The following TNR variants were observed in gnomAD, a reference collection of about 807,000 sequenced individuals.
TNR encodes the protein tenascin-R.
Under a neutral mutation model 150.4 loss-of-function variants are expected in TNR, and 45 were observed. The observed-to-expected ratio is 0.30, with a 90% CI of 0.24 to 0.38. TNR has a LOEUF of 0.38. TNR is among the 10% of genes least tolerant of loss of function. The probability of loss-of-function intolerance (pLI) is 1.00; values close to 1 mark genes in which losing one functional copy is unlikely to be tolerated. For synonymous variants in TNR, 687 were observed against 678.4 expected, an observed-to-expected ratio of 1.01 and a Z score of -0.20; for missense variants, 1,544 against 1,759.1, an observed-to-expected ratio of 0.88 and a Z score of 2.19.
chr1:175,619,053 C>T (rs1394281019), intron 1 of TNR, among the ~76,000 whole-genome samples: 1 of 152,150 alleles, frequency 6.6e-6, no homozygotes, highest in East Asian at 1.9e-4. Context: ...GAGCAAATGG[C>T]CTCCATGAAA....
intron 1 of TNR, among the ~76,000 whole-genome samples, chr1:175,727,419 G>C (rs1283153513): frequency 6.6e-6 from 1 of 152,196 alleles, no homozygotes; most frequent in African/African-American, 2.4e-5. Context: ...TTGGAGTAGT[G>C]AGGATGGAAG....
rs992841853 is a variant in TNR at position 175,603,811 on chromosome 1, T to C, written c.-164-75442A>G. Among the ~76,000 whole-genome samples, 12 of 152,214 alleles carry C rather than the reference T, an allele frequency of 7.9e-5. 1 individual carries two copies. Among genetic ancestry groups the C allele is most frequent in the Non-Finnish European group, 1.2e-4 (8 of 68,044 alleles). ...CCTTCCTCTGGCCTCTCACTGCCTCTTGTGTGCTGCACTCACCACGTCACC... is the reference window on the plus strand; with the variant it reads ...CCTTCCTCTGGCCTCTCACTGCCTCCTGTGTGCTGCACTCACCACGTCACC... On this transcript the variant is annotated intron_variant, in intron 1 of 22. Transcript: ENST00000367674.
rs1425385854 is a variant in TNR at position 175,570,620 on chromosome 1, CCTT to C, written c.-164-42254_-164-42252del. 3.9e-5 allele frequency among the ~76,000 whole-genome samples: 6 copies of C among 151,986 alleles called. No homozygotes were observed. The East Asian group carries it at 1.2e-3, about 29-fold the overall frequency. On this transcript the variant is annotated intron_variant, in intron 1 of 22. Transcript: ENST00000367674. The stretch of plus-strand genomic sequence containing the variant: ...ATTGAATTTATCTTTTTCTCTCTTC[CCTT>C]CTTCTTTCCTTTTTTCCTTCCATTT...
chr1:175,686,663 C>T (rs1666210893), intron 1 of TNR, among the ~76,000 whole-genome samples: 1 of 152,022 alleles, frequency 6.6e-6, no homozygotes, highest in South Asian at 2.1e-4. Flanking sequence ...TTTTGGAGTC[C>T]CCAGTGTTTA....
chr1:175,550,128 T>C (rs1349162367), intron 1 of TNR, among the ~76,000 whole-genome samples: 1 of 152,136 alleles, frequency 6.6e-6, no homozygotes, highest in Non-Finnish European at 1.5e-5. Context: ...GTCACTAATT[T>C]AGAAGAACAG....
chr1:175,391,388 A>G lies in TNR; in HGVS notation c.1407T>C (p.Phe469=). The change falls in exon 7 of 23, where the codon TTT becomes TTC. Residue 469 remains phenylalanine (F), a synonymous_variant. Transcript: ENST00000367674. ...CCCCAGGCTTTAGTCCTGTCTGGTT[A>G]AAGGACGTAACATCGCTGGGGACCT... ...IAQVPSDVTS[F]NQTGLKPGEE... is the part of the protein sequence containing the mutation. 6.2e-7 allele frequency: 1 copy of G among 1,614,214 alleles called. No individual in the cohort carries two copies. Among genetic ancestry groups the G allele is most frequent in the Non-Finnish European group, 8.5e-7 (1 of 1,180,040 alleles).
intron 4 of TNR, among the ~76,000 whole-genome samples, chr1:175,398,918 G>A (rs1653567234): frequency 6.6e-6 from 1 of 152,154 alleles, no homozygotes; most frequent in Admixed American, 6.5e-5. Flanking sequence ...TTACCAATGA[G>A]GAAACTGAAT....
chr1:175,519,793 A>G (rs1463686292), intron 2 of TNR, among the ~76,000 whole-genome samples: 2 of 152,172 alleles, frequency 1.3e-5, no homozygotes, highest in African/African-American at 4.8e-5. Flanking sequence ...TGCTTTCATC[A>G]TTGCACAAGT....
At chr1:175,697,894 C>T (rs1312053690) in intron 1 of TNR, among the ~76,000 whole-genome samples, 1 of 152,210 alleles carries the variant, frequency 6.6e-6, no homozygotes, top group Non-Finnish European at 1.5e-5. Flanking sequence ...GTGACTAAGG[C>T]TCAGAATGGG....
At chr1:175,451,606 G>A (rs1656324214) in intron 2 of TNR, among the ~76,000 whole-genome samples, 1 of 152,148 alleles carries the variant, frequency 6.6e-6, no homozygotes, top group South Asian at 2.1e-4. Flanking sequence ...GACACTTTTG[G>A]ATACGCCGTC....
At chr1:175,369,280 C>T (rs34870467) in intron 9 of TNR, among the ~76,000 whole-genome samples, 309 of 152,276 alleles carry the variant, frequency 2.0e-3, no homozygotes, top group Middle Eastern at 3.4e-3. Context: ...TGTCCTCCCA[C>T]GGTTCTGAAG....
chr1:175,684,363 A>G (rs1666126185), intron 1 of TNR, among the ~76,000 whole-genome samples: 1 of 152,172 alleles, frequency 6.6e-6, no homozygotes, highest in African/African-American at 2.4e-5. Flanking sequence ...AGGACAGAAA[A>G]TTGAGTGAGG....
At chr1:175,427,881 C>A (rs1655080785) in intron 2 of TNR, among the ~76,000 whole-genome samples, 1 of 128,774 alleles carries the variant, frequency 7.8e-6, no homozygotes, top group Non-Finnish European at 1.7e-5. Context: ...TTCTTCCCTC[C>A]CTTCTTCGCT....
At chr1:175,465,633 A>T (rs1010367968) in intron 2 of TNR, among the ~76,000 whole-genome samples, 1 of 152,186 alleles carries the variant, frequency 6.6e-6, no homozygotes, top group African/African-American at 2.4e-5. Flanking sequence ...CCAGAAATAT[A>T]TGTGGAAGGA....
Position 175,726,947 on chromosome 1 carries a change from G to A in TNR, c.-165+16279C>T, listed in dbSNP as rs75091738. ...AATCAGCTTGAATGAGCCCCAATGT[G>A]GCATGTAAGGAGTGACAGCCAAGCA... On this transcript the variant is annotated intron_variant, in intron 1 of 22. Transcript: ENST00000367674. Among the ~76,000 whole-genome samples, 1,267 of 152,196 alleles carry A rather than the reference G, an allele frequency of 8.3e-3. 39 individuals carry two copies. The highest frequency in any genetic ancestry group is 0.061 in the Admixed American group (939 of 15,274).
chr1:175,720,554 C>T (rs771876481), intron 1 of TNR, among the ~76,000 whole-genome samples: 1 of 152,164 alleles, frequency 6.6e-6, no homozygotes, highest in Non-Finnish European at 1.5e-5. Context: ...AAGGAGTTTA[C>T]ACGTAAGTAA....
chr1:175,333,425 C>T (rs1650050138), intron 20 of TNR: 1 of 152,198 alleles, frequency 6.6e-6, no homozygotes, highest in Non-Finnish European at 1.5e-5. Flanking sequence ...TTACACTTGT[C>T]TCCCAAGTTG....
chr1:175,695,956 G>A (rs1388644584), intron 1 of TNR, among the ~76,000 whole-genome samples: 1 of 150,722 alleles, frequency 6.6e-6, no homozygotes, highest in Non-Finnish European at 1.5e-5. Context: ...ATGGAAGGAT[G>A]GATGCATGGA....
intron 1 of TNR, among the ~76,000 whole-genome samples, chr1:175,703,547 T>C (rs1035717938): frequency 5.3e-5 from 8 of 152,230 alleles, no homozygotes; most frequent in African/African-American, 1.9e-4. Flanking sequence ...AGTTAACACT[T>C]GGCTGTACTG....
Sources: gnomAD v4.1 joint callset for allele counts (sites outside exome capture counted in the v4.1 genomes callset) on GRCh38, gnomAD v4.1.1 for gene constraint, MANE v1.5 for transcripts, NCBI Gene and HGNC (gene_info 2026-07-23, HGNC 2026-07-21) for gene names.